Variants in SNX29 observed in about 807,000 individuals in gnomAD.
SNX29 encodes sorting nexin-29.
In SNX29, 78 loss-of-function variants were observed where a neutral mutation model predicts 102.1. The ratio of observed to expected loss-of-function variants is 0.76; its 90% CI spans 0.64 to 0.92. The LOEUF (loss-of-function observed/expected upper bound fraction) is 0.92. Ranked by LOEUF, SNX29 falls within the 40% of genes least tolerant of loss-of-function variation. The pLI is 0.00. For synonymous variants in SNX29, 580 were observed against 414.5 expected (o/e 1.40, Z -4.85); for missense variants, 1,280 against 1,061.7 (o/e 1.21, Z -2.86).
intron 19 of SNX29, among the ~76,000 whole-genome samples, chr16:12,518,541 C>A (rs1387024276): frequency 6.6e-6 from 1 of 152,212 alleles, no homozygotes; most frequent in Non-Finnish European, 1.5e-5. Context: ...TGCTTCCTTG[C>A]AGTGACACGC....
chr16:12,451,642 C>T (rs2010710), intron 18 of SNX29, among the ~76,000 whole-genome samples: 103,570 of 152,104 alleles, frequency 0.68, 36,546 homozygotes, highest in African/African-American at 0.87. Context: ...GGCGGGTGGA[C>T]CATGAGGTCA....
chr16:12,531,998 C>T (rs1040653712), intron 20 of SNX29, among the ~76,000 whole-genome samples: 6 of 152,162 alleles, frequency 3.9e-5, no homozygotes, highest in African/African-American at 9.7e-5. Flanking sequence ...GAGGAATCCA[C>T]AGCGACAGAG....
intron 3 of SNX29, among the ~76,000 whole-genome samples, chr16:12,016,964 CA>C (rs1187654681): frequency 1.2e-4 from 17 of 144,568 alleles, no homozygotes; most frequent in Non-Finnish European, 1.5e-4. Flanking sequence ...CCTGTCTTTA[CA>C]AAAAAAAAAA....
intron 18 of SNX29, among the ~76,000 whole-genome samples, chr16:12,449,792 T>G (rs1026967222): frequency 2.0e-5 from 3 of 152,228 alleles, no homozygotes; most frequent in African/African-American, 7.2e-5. Context: ...CTAAATCCCA[T>G]TGCTGAAATC....
chr16:12,368,854 A>G (rs576706270), intron 16 of SNX29, among the ~76,000 whole-genome samples: 34 of 152,306 alleles, frequency 2.2e-4, no homozygotes, highest in Admixed American at 9.8e-4. Flanking sequence ...CCTTGTTCTC[A>G]TTTTAGTTAC....
At chr16:12,214,106 G>A (rs894061910) in intron 14 of SNX29, among the ~76,000 whole-genome samples, 2 of 150,186 alleles carry the variant, frequency 1.3e-5, no homozygotes, top group Non-Finnish European at 3.0e-5. Context: ...AAGGGGTAAC[G>A]TTTTATTTGT....
At chr16:12,038,531 C>A (rs2057539639) in intron 4 of SNX29, among the ~76,000 whole-genome samples, 2 of 152,142 alleles carry the variant, frequency 1.3e-5, no homozygotes, top group African/African-American at 4.8e-5. Flanking sequence ...AGTGTATATC[C>A]CTAAATTAAA....
chr16:12,237,403 A>C (rs959948510), intron 14 of SNX29, among the ~76,000 whole-genome samples: 2 of 152,114 alleles, frequency 1.3e-5, no homozygotes, highest in African/African-American at 4.8e-5. Flanking sequence ...AATTAAGGAC[A>C]TTTCACGTTT....
intron 14 of SNX29, among the ~76,000 whole-genome samples, chr16:12,262,470 G>A (rs1330678901): frequency 6.6e-6 from 1 of 152,222 alleles, no homozygotes; most frequent in Admixed American, 6.5e-5. Context: ...AGATGGTGGT[G>A]TTATTTGAAT....
chr16:11,995,646 T>TA (rs533184003), intron 1 of SNX29, among the ~76,000 whole-genome samples: 14,267 of 125,122 alleles, frequency 0.11, 858 homozygotes, highest in Non-Finnish European at 0.13. Context: ...AAAATACTCT[T>TA]AAAAAAAAAA....
chr16:12,132,980 TG>T (rs1428284101), intron 13 of SNX29, among the ~76,000 whole-genome samples: 6 of 152,242 alleles, frequency 3.9e-5, no homozygotes, highest in Non-Finnish European at 8.8e-5. Flanking sequence ...CAGTGTTGGC[TG>T]ACAGTGGCTT....
chr16:12,504,558 A>G (rs531221118), intron 19 of SNX29, among the ~76,000 whole-genome samples: 5 of 152,184 alleles, frequency 3.3e-5, no homozygotes, highest in South Asian at 4.1e-4. Flanking sequence ...GTGTCATAGC[A>G]TGTATCAGTG....
chr16:12,277,971 G>A lies in SNX29; in HGVS notation c.1717G>A (p.Ala573Thr), dbSNP rs2079308203. The change falls in exon 15 of 21, where the codon GCT (alanine) becomes ACT (threonine). Residue 573 changes from alanine to threonine, a missense_variant. Coordinates refer to ENST00000566228, the MANE Select transcript of SNX29 (RefSeq NM_032167.5). ...LWSVDGEVTV[A>T]EQKPGEIAEE... The stretch of plus-strand genomic sequence containing the variant: ...GAGTGTTGATGGAGAAGTTACAGTA[G>A]CTGAACAGAAGCCGGGAGAAATTGC... 6.2e-7 allele frequency: 1 copy of A among 1,609,556 alleles called. No individual in the cohort carries two copies. The highest frequency in any genetic ancestry group is 1.3e-5 in the African/African-American group (1 of 74,862).
chr16:12,224,184 G>C (rs567464729), intron 14 of SNX29, among the ~76,000 whole-genome samples: 1 of 152,288 alleles, frequency 6.6e-6, no homozygotes, highest in Non-Finnish European at 1.5e-5. Context: ...GGGGCACCTG[G>C]CATCAGCCTT....
At chr16:12,368,030 C>T (rs1020002767) in intron 16 of SNX29, among the ~76,000 whole-genome samples, 1 of 152,246 alleles carries the variant, frequency 6.6e-6, no homozygotes, top group Admixed American at 6.5e-5. Context: ...CAAGTGATCA[C>T]ATGCTCCTTG....
At chr16:12,401,292 C>G (rs928257827) in intron 17 of SNX29, among the ~76,000 whole-genome samples, 1 of 151,996 alleles carries the variant, frequency 6.6e-6, no homozygotes, top group African/African-American at 2.4e-5. Flanking sequence ...GGCCACAAAA[C>G]CAGTCTCAAT....
chr16:12,310,895 T>C (rs1033908429), intron 15 of SNX29, among the ~76,000 whole-genome samples: 2 of 152,056 alleles, frequency 1.3e-5, no homozygotes, highest in Non-Finnish European at 2.9e-5. Context: ...TCAAAATCCA[T>C]CAATTCAGGG....
In SNX29 at chr16:12,573,213, T is replaced by G. The variant is rs2079224178; in HGVS notation, c.*4584T>G. On this transcript the variant is annotated 3_prime_UTR_variant, in exon 21 of 21. Transcript: ENST00000566228. The stretch of plus-strand genomic sequence containing the variant: ...GTCTCCCGGCTCTAGGCAGACCGGA[T>G]CCCGCAGTTCATCCCATGGTTGTTG... The G allele has an allele frequency of 4.4e-6, 1 of 227,048 alleles. No individual in the cohort carries two copies. The highest frequency in any genetic ancestry group is 1.8e-4 in the South Asian group (1 of 5,462). The allele number at this position is 227,048 out of a possible 1,614,324, so 14.1% of individuals were successfully genotyped here.
chr16:12,171,013 A>C (rs916670021), intron 13 of SNX29, among the ~76,000 whole-genome samples: 2 of 151,954 alleles, frequency 1.3e-5, no homozygotes, highest in African/African-American at 4.8e-5. Context: ...GATTTTACAT[A>C]TCTTAGATCA....
Sources: gnomAD v4.1 joint callset for allele counts (sites outside exome capture counted in the v4.1 genomes callset) on GRCh38, gnomAD v4.1.1 for gene constraint, MANE v1.5 for transcripts, NCBI Gene and HGNC (gene_info 2026-07-23, HGNC 2026-07-21) for gene names.